VPS54: variants seen among roughly 807,000 people sequenced by gnomAD.
The protein encoded by VPS54 is vacuolar protein sorting-associated protein 54.
VPS54 carries 45 observed loss-of-function variants against 121.5 expected under a neutral mutation model. The ratio of observed to expected loss-of-function variants is 0.37; its 90% CI spans 0.29 to 0.47. The LOEUF (loss-of-function observed/expected upper bound fraction) is 0.47, where lower values mean the gene tolerates loss of function less well. Ranked by LOEUF, VPS54 falls within the 20% of genes least tolerant of loss-of-function variation. The pLI is 0.99. For synonymous variants in VPS54, 371 were observed against 385.8 expected (o/e 0.96, Z 0.45); for missense variants, 1,090 against 1,131.4 (o/e 0.96, Z 0.52).
intron 3 of VPS54, among the ~76,000 whole-genome samples, chr2:63,973,261 AT>A (rs1676368305): frequency 6.6e-6 from 1 of 152,202 alleles, no homozygotes; most frequent in African/African-American, 2.4e-5. Flanking sequence ...TTAATTATGA[AT>A]TCCCTAATGA....
chr2:63,949,583 C>A (rs1274459690), intron 7 of VPS54, among the ~76,000 whole-genome samples: 1 of 152,008 alleles, frequency 6.6e-6, no homozygotes, highest in African/African-American at 2.4e-5. Context: ...CTAAGAAAAT[C>A]CTATGGAAAA....
At chr2:63,967,539 C>CA (rs1476110926) in intron 5 of VPS54, among the ~76,000 whole-genome samples, 1 of 151,486 alleles carries the variant, frequency 6.6e-6, no homozygotes, top group Non-Finnish European at 1.5e-5. Flanking sequence ...GCCAACGTGG[C>CA]AAAACCCCGT....
chr2:64,002,397 A>G (rs1038171035), intron 1 of VPS54, among the ~76,000 whole-genome samples: 2 of 152,202 alleles, frequency 1.3e-5, no homozygotes, highest in Non-Finnish European at 2.9e-5. Context: ...CATCCAGTGG[A>G]GCCTTCTAGT....
chr2:64,013,009 T>C (rs576432911), intron 1 of VPS54, among the ~76,000 whole-genome samples: 1 of 152,310 alleles, frequency 6.6e-6, no homozygotes, highest in Admixed American at 6.5e-5. Context: ...TCCTCCAACA[T>C]AATGACTGAT....
Position 63,893,348 on chromosome 2 carries a change from T to C in VPS54, c.*82A>G, listed in dbSNP as rs766448124. The C allele has an allele frequency of 8.0e-7, 1 of 1,242,588 alleles. No homozygotes were observed. Among genetic ancestry groups the C allele is most frequent in the Non-Finnish European group, 1.2e-6 (1 of 841,596 alleles). 77.0% of individuals were successfully genotyped at this position (1,242,588 alleles called of 1,614,324 possible). On this transcript the variant is annotated 3_prime_UTR_variant, in exon 23 of 23. Transcript: ENST00000272322. ...GTTCACTTTGGGTTTCAGGTTCAATTCTCGAATCACAGGCATCCAGATTTT... is the reference window on the plus strand; with the variant it reads ...GTTCACTTTGGGTTTCAGGTTCAATCCTCGAATCACAGGCATCCAGATTTT...
At chr2:63,929,706 A>C (rs188362320) in intron 12 of VPS54, among the ~76,000 whole-genome samples, 2,645 of 92,444 alleles carry the variant, frequency 0.029, 31 homozygotes, top group Non-Finnish European at 0.042. Flanking sequence ...AAAACCCTTC[A>C]AAAAAAAAAA....
At chr2:63,986,253 C>T (rs1303158326) in intron 1 of VPS54, among the ~76,000 whole-genome samples, 1 of 152,182 alleles carries the variant, frequency 6.6e-6, no homozygotes, top group Non-Finnish European at 1.5e-5. Context: ...TTAACCACCA[C>T]TACCTTCTCC....
chr2:63,996,802 A>G (rs1197761579), intron 1 of VPS54, among the ~76,000 whole-genome samples: 1 of 152,208 alleles, frequency 6.6e-6, no homozygotes, highest in African/African-American at 2.4e-5. Context: ...GGATTAGGAA[A>G]TTCCTGCCTA....
intron 12 of VPS54, among the ~76,000 whole-genome samples, chr2:63,929,302 C>G (rs1482200583): frequency 6.6e-6 from 1 of 152,054 alleles, no homozygotes; most frequent in African/African-American, 2.4e-5. Context: ...GAACAGAAAT[C>G]ACAACAAACT....
chr2:63,920,652 A>G, intron 13 of VPS54, 25 bp from the exon 14 acceptor site: 1 of 1,403,326 alleles, frequency 7.1e-7, no homozygotes, highest in Non-Finnish European at 9.4e-7. Context: ...AAAAATCATG[A>G]GAGTTAGTGT....
At chr2:63,906,059 A>C (rs1483100337) in intron 20 of VPS54, among the ~76,000 whole-genome samples, 1 of 152,234 alleles carries the variant, frequency 6.6e-6, no homozygotes, top group East Asian at 1.9e-4. Context: ...TCTTAAAAAA[A>C]ACCTACAGCT....
intron 1 of VPS54, among the ~76,000 whole-genome samples, chr2:64,014,304 A>C (rs1248305637): frequency 6.6e-6 from 1 of 152,196 alleles, no homozygotes; most frequent in Non-Finnish European, 1.5e-5. Context: ...AAAAACACTA[A>C]AACTTTTTGA....
Position 63,962,483 on chromosome 2 carries a change from A to T in VPS54, c.625-40T>A, listed in dbSNP as rs746196481. ...AAAAAAAATATGAAGTACTATGAGC[A>T]TACCTTCCTTGATTATCCAAATACT... On this transcript the variant is annotated intron_variant, in intron 6 of 22. Coordinates refer to ENST00000272322, the MANE Select transcript of VPS54 (RefSeq NM_016516.3). The T allele has an allele frequency of 7.8e-6, 12 of 1,543,298 alleles. 1 individual carries two copies. In the South Asian group the frequency reaches 1.5e-4, roughly 19 times the overall value.
At chr2:63,908,569 G>T (rs191997197) in intron 20 of VPS54, among the ~76,000 whole-genome samples, 48 of 152,244 alleles carry the variant, frequency 3.2e-4, no homozygotes, top group Admixed American at 7.8e-4. Flanking sequence ...AACCTGATAT[G>T]AATTGCTTAG....
intron 21 of VPS54, among the ~76,000 whole-genome samples, chr2:63,898,964 A>G (rs553195583): frequency 1.2e-4 from 18 of 152,270 alleles, no homozygotes; most frequent in Non-Finnish European, 2.9e-5. Context: ...GAGAGGTGTC[A>G]AAGACTCCCC....
intron 16 of VPS54, among the ~76,000 whole-genome samples, chr2:63,914,518 A>T (rs1033175738): frequency 1.3e-5 from 2 of 152,216 alleles, no homozygotes; most frequent in Admixed American, 6.5e-5. Flanking sequence ...ACTCTGTGCA[A>T]TTGCAGGATC....
At chr2:63,903,833 GA>G (rs1001923751) in intron 20 of VPS54, among the ~76,000 whole-genome samples, 1 of 151,884 alleles carries the variant, frequency 6.6e-6, no homozygotes, top group African/African-American at 2.4e-5. Flanking sequence ...GAAAAAAGGG[GA>G]AAATCAGTCA....
chr2:63,941,237 T>C (rs944857099), intron 11 of VPS54, among the ~76,000 whole-genome samples: 2 of 152,158 alleles, frequency 1.3e-5, no homozygotes, highest in African/African-American at 4.8e-5. Flanking sequence ...TATTTTTTCA[T>C]TTTTTGAGAT....
chr2:63,917,872 T>C (rs999717827), intron 15 of VPS54, among the ~76,000 whole-genome samples: 5 of 152,006 alleles, frequency 3.3e-5, no homozygotes, highest in African/African-American at 1.2e-4. Context: ...TTAACCTCTT[T>C]GTGCCTTAGT....
Sources: gnomAD v4.1 joint callset for allele counts (sites outside exome capture counted in the v4.1 genomes callset) on GRCh38, gnomAD v4.1.1 for gene constraint, MANE v1.5 for transcripts, NCBI Gene and HGNC (gene_info 2026-07-23, HGNC 2026-07-21) for gene names.